SPTBN4: variants seen among roughly 807,000 people sequenced by gnomAD.
SPTBN4 encodes spectrin beta chain, non-erythrocytic 4.
SPTBN4 carries 96 observed loss-of-function variants against 277.8 expected under a neutral mutation model. The observed-to-expected ratio is 0.35, with a 90% confidence interval of 0.29 to 0.41. The LOEUF (loss-of-function observed/expected upper bound fraction) is 0.41, where lower values mean the gene tolerates loss of function less well. Ranked by LOEUF, SPTBN4 falls within the 10% of genes least tolerant of loss-of-function variation. The probability of loss-of-function intolerance (pLI) is 1.00; values close to 1 mark genes in which losing one functional copy is unlikely to be tolerated. For missense variants in SPTBN4, 3,006 were observed against 3,595.7 expected (o/e 0.84, Z 4.19); for synonymous variants, 1,481 against 1,580.3 (o/e 0.94, Z 1.49).
In SPTBN4 at chr19:40,532,788, C is replaced by G. The variant is rs1305041883; in HGVS notation, c.4095+17C>G. Reference sequence around the variant, plus strand: ...ATCGAGCGGGTGAGGAAGCTGATGGCCCCTCTGCCTGTGCCAGGTGCAGGA... The same window carrying G: ...ATCGAGCGGGTGAGGAAGCTGATGGGCCCTCTGCCTGTGCCAGGTGCAGGA... On this transcript the variant is annotated intron_variant, in intron 19 of 35. Coordinates refer to ENST00000598249, the MANE Select transcript of SPTBN4 (RefSeq NM_020971.3). The G allele has an allele frequency of 1.2e-6, 2 of 1,600,822 alleles. No individual in the cohort carries two copies. The highest frequency in any genetic ancestry group is 2.7e-5 in the African/African-American group (2 of 74,662).
At chr19:40,550,369 T>G in intron 22 of SPTBN4, 42 bp downstream of exon 22, 2 of 1,580,150 alleles carry the variant, frequency 1.3e-6, no homozygotes, top group Middle Eastern at 1.7e-4. Context: ...GACATTTGGA[T>G]ACATGTGATA....
chr19:40,560,031 A>T lies in SPTBN4; in HGVS notation c.5671-128A>T. The T allele has an allele frequency of 7.0e-7, 1 of 1,432,476 alleles. No individual in the cohort carries two copies. Among genetic ancestry groups the T allele is most frequent in the Non-Finnish European group, 9.1e-7 (1 of 1,097,204 alleles). 88.7% of individuals were successfully genotyped at this position (1,432,476 alleles called of 1,614,324 possible). A position where few individuals can be genotyped will look rare whatever the true frequency, so the allele number is the denominator to read the frequency against. ...GAAATCAGGCAGCAGATATGACAGG[A>T]GCCTGGCTGTGGGATCACAGTGTGA... On this transcript the variant is annotated intron_variant, in intron 26 of 35. Transcript: ENST00000598249. This position sits in a 1 kb window ranked among gnomAD's most constrained non-coding sequence, Gnocchi z 5.2.
chr19:40,535,697 C>G (rs981091211), intron 20 of SPTBN4, among the ~76,000 whole-genome samples: 1 of 152,146 alleles, frequency 6.6e-6, no homozygotes, highest in Admixed American at 6.6e-5. Context: ...CTTCGGGAGG[C>G]CGAGGCGGGC....
Position 40,556,259 on chromosome 19 carries a change from G to C in SPTBN4, c.5260G>C (p.Glu1754Gln). Residue 1754 changes from glutamate to glutamine, a missense_variant, in exon 25 of 36, where the codon GAG becomes CAG. This residue lies in a region of SPTBN4 where 425 missense variants were observed against 594.7 expected (regional missense o/e 0.71). Coordinates refer to ENST00000598249, the MANE Select transcript of SPTBN4 (RefSeq NM_020971.3). ...GAAGGAGGTGGTGGCTGGCTCACCCGAGCTCGGCCAGGACTTTGAGCATGT... is the reference window on the plus strand; with the variant it reads ...GAAGGAGGTGGTGGCTGGCTCACCCCAGCTCGGCCAGGACTTTGAGCATGT... ...AEKEVVAGSP[E>Q]LGQDFEHVSV... 1.2e-6 allele frequency: 2 copies of C among 1,613,354 alleles called. No homozygotes were observed. The highest frequency in any genetic ancestry group is 1.7e-6 in the Non-Finnish European group (2 of 1,179,782).
At chr19:40,495,332 ACCT>A (rs1230470774) in intron 6 of SPTBN4, among the ~76,000 whole-genome samples, 1 of 151,744 alleles carries the variant, frequency 6.6e-6, no homozygotes, top group African/African-American at 2.4e-5. Context: ...TGTACCCAGC[ACCT>A]CCTCCTATCA....
intron 30 of SPTBN4, 60 bp from the exon 31 acceptor site, chr19:40,567,603 T>TA: frequency 6.6e-5 from 65 of 980,756 alleles, no homozygotes; most frequent in Non-Finnish European, 7.9e-5. Flanking sequence ...TCCCCGGACC[T>TA]CCCCCTTACC....
chr19:40,566,061 G>A, intron 29 of SPTBN4, 102 bp from the exon 30 acceptor site: 1 of 1,262,658 alleles, frequency 7.9e-7, no homozygotes, highest in Non-Finnish European at 1.1e-6. Context: ...CAGGGCTCGG[G>A]TATGGAAAGC....
rs755551228 is a variant in SPTBN4 at position 40,502,521 on chromosome 19, T to G, written c.1203+14T>G. On this transcript the variant is annotated intron_variant, in intron 10 of 35. Coordinates refer to ENST00000598249, the MANE Select transcript of SPTBN4 (RefSeq NM_020971.3). This position sits in a 1 kb window ranked among gnomAD's most constrained non-coding sequence, Gnocchi z 4.9. ...GATATTGACAAGGTGAGGCCGGGGA[T>G]GCAGGGGAGAGGCGGGGTTGCACTG... The G allele has an allele frequency of 1.9e-6, 3 of 1,605,396 alleles. No homozygotes were observed. Among genetic ancestry groups the G allele is most frequent in the East Asian group, 2.2e-5 (1 of 44,852 alleles).
intron 15 of SPTBN4, among the ~76,000 whole-genome samples, chr19:40,517,298 T>A (rs2080471695): frequency 6.6e-6 from 1 of 152,036 alleles, no homozygotes; most frequent in African/African-American, 2.4e-5. Flanking sequence ...TTTTTTTTTT[T>A]TTCTTTCTTG....
chr19:40,552,968 T>G (rs1214786717), intron 22 of SPTBN4, among the ~76,000 whole-genome samples: 1 of 152,214 alleles, frequency 6.6e-6, no homozygotes, highest in Non-Finnish European at 1.5e-5. Flanking sequence ...TTTATCACCT[T>G]ATAACAACCC....
At position 40,568,213 on chromosome 19, in the gene SPTBN4, G is replaced by A; in HGVS notation, c.6887G>A (p.Arg2296His). The change falls in exon 31 of 36, where the codon CGT becomes CAT. Residue 2296 changes from arginine to histidine, a missense_variant. Physicochemically the swap from Arg to His is conservative, Grantham distance 29. Around this residue, in one of 5 missense-constraint regions of SPTBN4, gnomAD observed 630 missense variants for 677.6 expected, o/e 0.93. Coordinates refer to ENST00000598249, the MANE Select transcript of SPTBN4 (RefSeq NM_020971.3). ...CAGATGGAGCGGCGGCGCGAGCGGC[G>A]TGAGCGGCGCTTGGAGCGGCAGGAG... ...YEQMERRRER[R>H]ERRLERQESS... 6.2e-7 allele frequency: 1 copy of A among 1,601,902 alleles called. No homozygotes were observed. Among genetic ancestry groups the A allele is most frequent in the Non-Finnish European group, 8.5e-7 (1 of 1,174,534 alleles).
intron 20 of SPTBN4, 105 bp from the exon 21 acceptor site, chr19:40,549,084 G>A: frequency 1.1e-6 from 1 of 921,878 alleles, no homozygotes; most frequent in Non-Finnish European, 1.6e-6. Context: ...GGGTGGAAGG[G>A]TGGGCCGCGG....
chr19:40,485,460 T>C (rs1184711823), intron 2 of SPTBN4, among the ~76,000 whole-genome samples: 1 of 152,182 alleles, frequency 6.6e-6, no homozygotes, highest in Non-Finnish European at 1.5e-5. Flanking sequence ...CTTTAGATTA[T>C]GAAATAATTA....
chr19:40,565,748 G>C lies in SPTBN4; in HGVS notation c.6139+3G>C. 6.4e-7 allele frequency: 1 copy of C among 1,551,466 alleles called. No individual in the cohort carries two copies. The highest frequency in any genetic ancestry group is 8.7e-7 in the Non-Finnish European group (1 of 1,147,508). On this transcript the variant is annotated splice_donor_region_variant and intron_variant, in intron 29 of 35. Coordinates refer to ENST00000598249, the MANE Select transcript of SPTBN4 (RefSeq NM_020971.3). ...CCATTGGGAGTGGCTGCAGCAGAGT[G>C]AGTGGGGGCCCAGGCACACGTGGTT...
intron 7 of SPTBN4, among the ~76,000 whole-genome samples, chr19:40,498,373 T>TCTTA (rs1555812373): frequency 7.1e-6 from 1 of 141,130 alleles, no homozygotes; most frequent in Non-Finnish European, 1.5e-5. Context: ...TTTTATTTTA[T>TCTTA]TTTATTTATT....
chr19:40,529,216 G>GC, intron 18 of SPTBN4, 85 bp downstream of exon 18: 1 of 1,300,912 alleles, frequency 7.7e-7, no homozygotes, highest in Non-Finnish European at 1.1e-6. Context: ...GGGTGGGGAC[G>GC]CCCCGTCTAA....
chr19:40,556,780 C>T (rs902952932), intron 25 of SPTBN4, among the ~76,000 whole-genome samples: 1 of 152,050 alleles, frequency 6.6e-6, no homozygotes, highest in Non-Finnish European at 1.5e-5. Flanking sequence ...ACAAAAAAAT[C>T]AGCTGGGTGT....
chr19:40,476,362 A>AAG lies in SPTBN4; in HGVS notation c.169+3586_169+3587dup, dbSNP rs1370349700. On this transcript the variant is annotated intron_variant, in intron 2 of 35. Transcript: ENST00000598249. ...CTCTGTCTCAAAAAAAAAAAAAAAA[A>AAG]AGAGAGAGAGAGAGAAATCTGTATA... Among the ~76,000 whole-genome samples, 248 of 144,948 alleles carry AAG rather than the reference A, an allele frequency of 1.7e-3. 12 individuals carry two copies. The highest frequency in any genetic ancestry group is 7.2e-3 in the Middle Eastern group (2 of 278).
intron 2 of SPTBN4, among the ~76,000 whole-genome samples, chr19:40,479,558 C>T (rs28729802): frequency 0.084 from 12,694 of 151,618 alleles, 1,232 homozygotes; most frequent in African/African-American, 0.24. Context: ...TCTCCCACCT[C>T]GACCTCCCAA....
Sources: allele counts gnomAD v4.1 joint callset (sites outside exome capture counted in the v4.1 genomes callset), GRCh38; gene constraint gnomAD v4.1.1; regional missense constraint gnomAD v4.1.1; non-coding constraint Gnocchi (gnomAD v3.1); transcripts MANE v1.5; gene names NCBI Gene and HGNC (gene_info 2026-07-23, HGNC 2026-07-21).